The following NRP2 variants were observed in gnomAD, a reference collection of about 807,000 sequenced individuals.
NRP2 encodes neuropilin-2.
Under a neutral mutation model 110.4 loss-of-function variants are expected in NRP2, and 52 were observed. The observed-to-expected ratio is 0.47, with a 90% CI of 0.38 to 0.59. The LOEUF is 0.59. Ranked by LOEUF, NRP2 falls within the 20% of genes least tolerant of loss-of-function variation. The probability of loss-of-function intolerance (pLI) is 0.00; values close to 1 mark genes in which losing one functional copy is unlikely to be tolerated. For missense variants in NRP2, 1,049 were observed against 1,203.0 expected, an observed-to-expected ratio of 0.87 and a Z score of 1.89; for synonymous variants, 508 against 468.9, an observed-to-expected ratio of 1.08 and a Z score of -1.08.
chr2:205,762,643 A>G (rs893528250), intron 12 of NRP2: 1 of 152,234 alleles, frequency 6.6e-6, no homozygotes, highest in Admixed American at 6.5e-5. Flanking sequence ...ATCTTGCAGA[A>G]GTATTCAGCC....
chr2:205,776,886 G>C, intron 15 of NRP2: 1 of 1,207,614 alleles, frequency 8.3e-7, no homozygotes, highest in Non-Finnish European at 1.0e-6. Flanking sequence ...CCTCCTCTCA[G>C]TGGGCAGTCT....
intron 8 of NRP2, among the ~76,000 whole-genome samples, chr2:205,742,805 G>A (rs1018027647): frequency 1.8e-4 from 27 of 152,198 alleles, no homozygotes; most frequent in African/African-American, 5.6e-4. Flanking sequence ...CTTGGTTAGA[G>A]CTGTAAGCAC....
Position 205,763,968 on chromosome 2 carries a change from C to A in NRP2, c.2307+32C>A. 1 of 1,612,690 alleles carries A rather than the reference C, an allele frequency of 6.2e-7. No homozygotes were observed. ...TGAGCAAAAAGGGAATCTTGTGATC[C>A]GTATTTCAATATTTCAAGGGCCGAG... On this transcript the variant is annotated intron_variant, in intron 13 of 16. Transcript: ENST00000357785. The surrounding 1 kb of genome is among the most constrained non-coding windows in gnomAD (Gnocchi z 4.0).
intron 15 of NRP2, among the ~76,000 whole-genome samples, chr2:205,771,043 A>G (rs1451651409): frequency 6.6e-6 from 1 of 152,246 alleles, no homozygotes; most frequent in Non-Finnish European, 1.5e-5. Flanking sequence ...TTTTCTCTCC[A>G]AGAACACAGG....
rs2057482469 is a variant in NRP2 at position 205,743,521 on chromosome 2, A to G, written c.1610A>G (p.Tyr537Cys). The change falls in exon 9 of 17, where the codon TAC becomes TGC. Residue 537 changes from tyrosine to cysteine, a missense_variant. By Grantham distance (194) the Tyr-to-Cys change is radical. Coordinates refer to ENST00000357785, the MANE Select transcript of NRP2 (RefSeq NM_003872.3). ...SYSLNGKDWE[Y>C]IQDPRTQQPK... ...AGCCTAAACGGCAAGGACTGGGAAT[A>G]CATTCAGGACCCCAGGACCCAGCAG... is the stretch of plus-strand genomic sequence containing the variant. 6.2e-7 allele frequency: 1 copy of G among 1,614,108 alleles called. No individual in the cohort carries two copies. Among genetic ancestry groups the G allele is most frequent in the African/African-American group, 1.3e-5 (1 of 74,934 alleles).
chr2:205,772,649 A>C (rs2058039909), intron 15 of NRP2, among the ~76,000 whole-genome samples: 1 of 152,234 alleles, frequency 6.6e-6, no homozygotes, highest in African/African-American at 2.4e-5. Flanking sequence ...AGATCAATCA[A>C]AGGGAAAATT....
At chr2:205,719,269 C>T (rs1364851066) in intron 3 of NRP2, among the ~76,000 whole-genome samples, 1 of 152,084 alleles carries the variant, frequency 6.6e-6, no homozygotes, top group Non-Finnish European at 1.5e-5. Context: ...TGGTACATTA[C>T]CCTGGTGAGG....
Position 205,763,925 on chromosome 2 carries a change from A to G in NRP2, c.2296A>G (p.Met766Val). The change falls in exon 13 of 17, where the codon ATG becomes GTG. Residue 766 changes from methionine to valine, a missense_variant. Met to Val is a conservative substitution (Grantham distance 21). Coordinates refer to ENST00000357785, the MANE Select transcript of NRP2 (RefSeq NM_003872.3). The surrounding 1 kb of genome is among the most constrained non-coding windows in gnomAD (Gnocchi z 4.0). The stretch of plus-strand genomic sequence containing the variant: ...GCGGATCATCCTGCCCAGCTACGAC[A>G]TGGAGTACCAGGTGGGGTGAGCAAA... ...HGRIILPSYDMEYQIVFEGVI... is the reference protein window; with the variant it reads ...HGRIILPSYDVEYQIVFEGVI... 1.2e-6 allele frequency: 2 copies of G among 1,614,078 alleles called. No homozygotes were observed. Among genetic ancestry groups the G allele is most frequent in the Non-Finnish European group, 1.7e-6 (2 of 1,179,972 alleles).
In NRP2 at chr2:205,725,823, G is replaced by A. The variant is rs2057116206; in HGVS notation, c.821-90G>A. Reference sequence around the variant, plus strand: ...TTTTAAATGAGGAAGTGCCTGCAAGGACTTGTCCCTAGAAGGGAGGCAGCA... The same window carrying A: ...TTTTAAATGAGGAAGTGCCTGCAAGAACTTGTCCCTAGAAGGGAGGCAGCA... On this transcript the variant is annotated intron_variant, in intron 5 of 16. Transcript: ENST00000357785. The surrounding 1 kb of genome is among the most constrained non-coding windows in gnomAD (Gnocchi z 4.1). The A allele has an allele frequency of 9.0e-6, 12 of 1,334,168 alleles. No homozygotes were observed. The highest frequency in any genetic ancestry group is 1.2e-5 in the Non-Finnish European group (11 of 927,734). 82.6% of individuals were successfully genotyped at this position (1,334,168 alleles called of 1,614,324 possible). A position where few individuals can be genotyped will look rare whatever the true frequency, so the allele number is the denominator to read the frequency against.
Position 205,752,905 on chromosome 2 carries a change from G to A in NRP2, c.1974G>A (p.Met658Ile). 1 of 1,614,194 alleles carries A rather than the reference G, an allele frequency of 6.2e-7. No individual in the cohort carries two copies. The highest frequency in any genetic ancestry group is 1.1e-5 in the South Asian group (1 of 91,088). Residue 658 changes from methionine (M) to isoleucine (I), a missense_variant, in exon 12 of 17, where the codon ATG becomes ATA. Physicochemically the swap from Met to Ile is conservative, Grantham distance 10. Transcript: ENST00000357785. ...FDFLEEPCGW[M>I]YDHAKWLRTT... The stretch of plus-strand genomic sequence containing the variant: ...TCCTCGAGGAGCCCTGTGGTTGGAT[G>A]TATGACCATGCCAAGTGGCTCCGGA...
At chr2:205,766,643 G>A (rs1374012215) in intron 14 of NRP2, 140 bp from the exon 15 acceptor site, 9 of 742,970 alleles carry the variant, frequency 1.2e-5, no homozygotes, top group Non-Finnish European at 1.9e-5. Context: ...TGTGGAAGAT[G>A]GGGGGCCCTC....
chr2:205,773,706 G>A (rs2058056934), intron 15 of NRP2, among the ~76,000 whole-genome samples: 1 of 152,210 alleles, frequency 6.6e-6, no homozygotes, highest in Non-Finnish European at 1.5e-5. Context: ...AACACTGTAA[G>A]AGAAACATGA....
chr2:205,743,091 CTGACTTAGTAT>C (rs1430374346), intron 8 of NRP2, 101 bp from the exon 9 acceptor site: 8 of 1,589,768 alleles, frequency 5.0e-6, no homozygotes, highest in African/African-American at 4.0e-5. Context: ...GAAATTAGTG[CTGACTTAGTAT>C]TTGACAGTTG....
rs36087789 is a variant in NRP2 at position 205,794,750 on chromosome 2, G to A, written c.2477-4G>A. ...CAATCTCTCATGAATTTTATGTATC[G>A]CAGATGAATACGAGGTGGACTGGAG... On this transcript the variant is annotated splice_region_variant and splice_polypyrimidine_tract_variant and intron_variant, in intron 16 of 16. Coordinates refer to ENST00000357785, the MANE Select transcript of NRP2 (RefSeq NM_003872.3). 0.021 allele frequency: 34,394 copies of A among 1,614,012 alleles called. 467 individuals are homozygous for A. The highest frequency in any genetic ancestry group is 0.045 in the Middle Eastern group (272 of 6,060).
At chr2:205,766,708 C>A in intron 14 of NRP2, 75 bp from the exon 15 acceptor site, 1 of 1,304,026 alleles carries the variant, frequency 7.7e-7, no homozygotes, top group Non-Finnish European at 1.1e-6. Flanking sequence ...TCATATTCAT[C>A]CAATTATTCA....
intron 5 of NRP2, among the ~76,000 whole-genome samples, chr2:205,724,759 C>T (rs1055384676): frequency 2.0e-5 from 3 of 151,232 alleles, no homozygotes; most frequent in Non-Finnish European, 2.9e-5. Context: ...CTCCACCTCC[C>T]GGGTTTAAGC....
At chr2:205,773,086 A>G (rs1030386112) in intron 15 of NRP2, among the ~76,000 whole-genome samples, 1 of 152,230 alleles carries the variant, frequency 6.6e-6, no homozygotes, top group African/African-American at 2.4e-5. Flanking sequence ...TGCTTTGGGT[A>G]TGGATTTAAC....
intron 15 of NRP2, among the ~76,000 whole-genome samples, chr2:205,769,497 TAC>T (rs1443147685): frequency 1.2e-5 from 1 of 85,114 alleles, no homozygotes; most frequent in African/African-American, 4.6e-5. Flanking sequence ...TGTGTGTATA[TAC>T]ATACATACAC....
chr2:205,706,192 C>A (rs572399808), intron 2 of NRP2, among the ~76,000 whole-genome samples: 37 of 151,956 alleles, frequency 2.4e-4, no homozygotes, highest in Non-Finnish European at 1.5e-5. Context: ...GTAATTGATT[C>A]CTCACACCGA....
Sources: gnomAD v4.1 joint callset for allele counts (sites outside exome capture counted in the v4.1 genomes callset) on GRCh38, gnomAD v4.1.1 for gene constraint, Gnocchi (gnomAD v3.1) non-coding constraint, MANE v1.5 for transcripts, NCBI Gene and HGNC (gene_info 2026-07-23, HGNC 2026-07-21) for gene names.